Variants in ESRP1 observed in about 807,000 individuals in gnomAD.
ESRP1 encodes RNA-binding motif protein 35A.
In ESRP1, 33 loss-of-function variants were observed where a neutral mutation model predicts 81.7. The ratio of observed to expected loss-of-function variants is 0.40; its 90% CI spans 0.31 to 0.54. The LOEUF is 0.54. Among genes scored for constraint, ESRP1 ranks in the 20% least tolerant of loss-of-function variants. The pLI, the probability that ESRP1 is intolerant of heterozygous loss-of-function variation, is 0.41. For synonymous variants in ESRP1, 320 were observed against 303.3 expected (o/e 1.06, Z -0.57); for missense variants, 672 against 833.1 (o/e 0.81, Z 2.38).
At chr8:94,677,594 C>T (rs527869856) in intron 12 of ESRP1, among the ~76,000 whole-genome samples, 287 of 152,246 alleles carry the variant, frequency 1.9e-3, no homozygotes, top group African/African-American at 6.5e-3. Context: ...TTTTAAAGGT[C>T]TGAAGATATA....
At chr8:94,665,853 C>A (rs558978534) in intron 9 of ESRP1, among the ~76,000 whole-genome samples, 78 of 152,272 alleles carry the variant, frequency 5.1e-4, no homozygotes, top group African/African-American at 1.7e-3. Flanking sequence ...CGCTGCAATA[C>A]CTGGGATTGT....
intron 14 of ESRP1, among the ~76,000 whole-genome samples, chr8:94,695,211 AT>A (rs1188442752): frequency 6.6e-6 from 1 of 152,040 alleles, no homozygotes; most frequent in African/African-American, 2.4e-5. Context: ...CCTAGAGTGC[AT>A]GTATTGGCTG....
At chr8:94,651,728 T>G (rs546952071) in intron 4 of ESRP1, among the ~76,000 whole-genome samples, 2 of 152,110 alleles carry the variant, frequency 1.3e-5, no homozygotes, top group Non-Finnish European at 2.9e-5. Context: ...GCGATTTTCC[T>G]GCCTCAGCCT....
At chr8:94,655,284 A>G (rs1372121510) in intron 4 of ESRP1, among the ~76,000 whole-genome samples, 1 of 150,360 alleles carries the variant, frequency 6.7e-6, no homozygotes. Flanking sequence ...TTTTAGTTTC[A>G]CCATGTTGGC....
intron 3 of ESRP1, among the ~76,000 whole-genome samples, chr8:94,644,186 A>C (rs984361057): frequency 4.6e-5 from 7 of 152,234 alleles, no homozygotes; most frequent in African/African-American, 1.7e-4. Context: ...AAGGAACAGC[A>C]GAGACAACCC....
In ESRP1 at chr8:94,653,807, A is replaced by ATG. The variant is rs975381369; in HGVS notation, c.490+7526_490+7527insGT. On this transcript the variant is annotated intron_variant, in intron 4 of 15. Coordinates refer to ENST00000433389, the MANE Select transcript of ESRP1 (RefSeq NM_017697.4). ...ACTTTTCTGTGTATGAAAGGGATAT[A>ATG]TATATATATAAAATCAAGTATACAG... Among the ~76,000 whole-genome samples, 23 of 152,082 alleles carry ATG rather than the reference A, an allele frequency of 1.5e-4. No homozygotes were observed. The East Asian group carries it at 3.9e-3, about 26-fold the overall frequency.
At chr8:94,696,629 T>C (rs962176850) in intron 14 of ESRP1, among the ~76,000 whole-genome samples, 26 of 152,358 alleles carry the variant, frequency 1.7e-4, no homozygotes, top group African/African-American at 6.3e-4. Context: ...GTGTAATCCA[T>C]GTTTTCAATC....
At chr8:94,681,658 G>C (rs1808892142) in intron 13 of ESRP1, among the ~76,000 whole-genome samples, 1 of 150,868 alleles carries the variant, frequency 6.6e-6, no homozygotes, top group African/African-American at 2.4e-5. Flanking sequence ...AATAAAAATG[G>C]CTGGGTGTGG....
intron 4 of ESRP1, among the ~76,000 whole-genome samples, chr8:94,650,210 G>A (rs1310972416): frequency 6.6e-6 from 1 of 151,922 alleles, no homozygotes; most frequent in African/African-American, 2.4e-5. Flanking sequence ...TACCATTGTG[G>A]TATCAAAATA....
chr8:94,678,500 C>A, intron 13 of ESRP1, 129 bp downstream of exon 13: 1 of 1,069,544 alleles, frequency 9.3e-7, no homozygotes, highest in Non-Finnish European at 1.3e-6. Flanking sequence ...AGCCTCTGGT[C>A]ATATCTCTGA....
chr8:94,676,223 T>A (rs1318951100), intron 12 of ESRP1, among the ~76,000 whole-genome samples: 1 of 150,656 alleles, frequency 6.6e-6, no homozygotes, highest in Non-Finnish European at 1.5e-5. Context: ...TTGCCGGGAG[T>A]GGTGGCGCAC....
intron 4 of ESRP1, among the ~76,000 whole-genome samples, chr8:94,649,144 C>G (rs1201162482): frequency 6.6e-6 from 1 of 152,056 alleles, no homozygotes; most frequent in Non-Finnish European, 1.5e-5. Context: ...TCACTTGAAC[C>G]CAAGAGGCAG....
At chr8:94,642,721 A>T (rs1817674691) in intron 2 of ESRP1, among the ~76,000 whole-genome samples, 1 of 151,336 alleles carries the variant, frequency 6.6e-6, no homozygotes, top group Admixed American at 6.6e-5. Context: ...TGACCTAAAA[A>T]CCGGCTGTTC....
chr8:94,653,818 A>T (rs529628919), intron 4 of ESRP1, among the ~76,000 whole-genome samples: 10 of 147,850 alleles, frequency 6.8e-5, no homozygotes, highest in South Asian at 4.4e-4. Context: ...TATATATATA[A>T]AATCAAGTAT....
intron 13 of ESRP1, among the ~76,000 whole-genome samples, chr8:94,682,717 T>C (rs1182553151): frequency 6.6e-6 from 1 of 151,366 alleles, no homozygotes; most frequent in Non-Finnish European, 1.5e-5. Flanking sequence ...TTTTACTTTT[T>C]TTAATGAGTG....
intron 12 of ESRP1, among the ~76,000 whole-genome samples, chr8:94,675,353 T>G (rs1819538203): frequency 6.6e-6 from 1 of 152,222 alleles, no homozygotes; most frequent in Non-Finnish European, 1.5e-5. Flanking sequence ...TGTGCTTGAT[T>G]CCAATAAAGC....
chr8:94,683,996 C>T (rs1809033930), intron 13 of ESRP1, among the ~76,000 whole-genome samples: 1 of 152,128 alleles, frequency 6.6e-6, no homozygotes, highest in African/African-American at 2.4e-5. Flanking sequence ...TACAGGCATG[C>T]ACCACCATGC....
chr8:94,652,169 G>T (rs573346115), intron 4 of ESRP1, among the ~76,000 whole-genome samples: 128 of 151,234 alleles, frequency 8.5e-4, no homozygotes, highest in Non-Finnish European at 1.6e-3. Flanking sequence ...TGTATTTTTA[G>T]TAGGTACGGG....
In ESRP1 at chr8:94,706,017, AT is replaced by A; in HGVS notation, c.*132del. Reference sequence around the variant, plus strand: ...AGTTTGTCTACACTCAGGCTGCAGTATTTTCAGCAAACTTGATTGGACAAAC... The same window carrying A: ...AGTTTGTCTACACTCAGGCTGCAGTATTTCAGCAAACTTGATTGGACAAAC... On this transcript the variant is annotated 3_prime_UTR_variant, in exon 16 of 16. Coordinates refer to ENST00000433389, the MANE Select transcript of ESRP1 (RefSeq NM_017697.4). The A allele has an allele frequency of 7.0e-6, 10 of 1,424,588 alleles. No homozygotes were observed. Among genetic ancestry groups the A allele is most frequent in the Non-Finnish European group, 9.4e-6 (10 of 1,058,942 alleles). The allele number at this position is 1,424,588 out of a possible 1,614,324, so 88.2% of individuals were successfully genotyped here.
Sources: gnomAD v4.1 joint callset for allele counts (sites outside exome capture counted in the v4.1 genomes callset) on GRCh38, gnomAD v4.1.1 for gene constraint, MANE v1.5 for transcripts, NCBI Gene and HGNC (gene_info 2026-07-23, HGNC 2026-07-21) for gene names.